The following KCNIP4 variants were observed in gnomAD, a reference collection of about 807,000 sequenced individuals.
The protein encoded by KCNIP4 is potassium voltage-gated channel interacting protein 4.
A neutral mutation model predicts 34.0 loss-of-function variants in KCNIP4; 12 were observed. The observed-to-expected ratio is 0.35, with a 90% confidence interval of 0.23 to 0.57. KCNIP4 has a LOEUF of 0.57. KCNIP4 is among the 20% of genes least tolerant of loss of function. The pLI, the probability that KCNIP4 is intolerant of heterozygous loss-of-function variation, is 0.83. For synonymous variants in KCNIP4, 124 were observed against 102.2 expected, an observed-to-expected ratio of 1.21 and a Z score of -1.29; for missense variants, 238 against 311.7, an observed-to-expected ratio of 0.76 and a Z score of 1.78.
rs146340264 is a variant in KCNIP4, at chr4:20,925,978, G to C, written c.62-43269C>G. ...GCTCATTAGAGACAAAGTGCCCAAA[G>C]TTGTTTTTGGGGCCTGGTCACATAG... On this transcript the variant is annotated intron_variant, in intron 1 of 8. Transcript: ENST00000382152. 1.0e-3 allele frequency among the ~76,000 whole-genome samples: 154 copies of C among 152,292 alleles called. 2 individuals carry two copies. Among genetic ancestry groups the C allele is most frequent in the Admixed American group, 3.7e-3 (57 of 15,300 alleles).
At chr4:21,142,963 T>G (rs1398677728) in intron 1 of KCNIP4, among the ~76,000 whole-genome samples, 1 of 151,770 alleles carries the variant, frequency 6.6e-6, no homozygotes, top group East Asian at 1.9e-4. Flanking sequence ...TCCTGCAAAC[T>G]AAGACATGGA....
intron 1 of KCNIP4, among the ~76,000 whole-genome samples, chr4:21,919,983 G>C (rs1458106710): frequency 6.6e-6 from 1 of 152,140 alleles, no homozygotes; most frequent in Non-Finnish European, 1.5e-5. Flanking sequence ...TTCATAAGCT[G>C]TATGCAGCAT....
rs1460695528 is a variant in KCNIP4 at position 20,803,712 on chromosome 4, AG to A, written c.289-44823del. 5.0e-4 allele frequency among the ~76,000 whole-genome samples: 64 copies of A among 127,196 alleles called. 2 individuals are homozygous for A. In the South Asian group the frequency reaches 0.018, roughly 35 times the overall value. 83.4% of individuals were successfully genotyped at this position (127,196 alleles called of 152,430 possible). A position where few individuals can be genotyped will look rare whatever the true frequency, so the allele number is the denominator to read the frequency against. ...GGGAGAGAGAGAGAGAAAGAGAGAGAGAGAGAGAGAGAGAGAGGAAGGAAGG... is the reference window on the plus strand; with the variant it reads ...GGGAGAGAGAGAGAGAAAGAGAGAGAAGAGAGAGAGAGAGAGGAAGGAAGG... On this transcript the variant is annotated intron_variant, in intron 3 of 8. Coordinates refer to ENST00000382152, the MANE Select transcript of KCNIP4 (RefSeq NM_025221.6).
At chr4:20,827,102 G>C (rs1338635735) in intron 3 of KCNIP4, among the ~76,000 whole-genome samples, 1 of 152,134 alleles carries the variant, frequency 6.6e-6, no homozygotes, top group Admixed American at 6.5e-5. Flanking sequence ...GCCAGTTCCA[G>C]GCCTAGCTTT....
At chr4:21,299,342 T>C (rs1004167869) in intron 1 of KCNIP4, among the ~76,000 whole-genome samples, 2 of 152,092 alleles carry the variant, frequency 1.3e-5, no homozygotes, top group African/African-American at 4.8e-5. Context: ...TAACTTTAGA[T>C]CCTCTGAGTG....
At chr4:21,943,827 G>A (rs951564261) in intron 1 of KCNIP4, among the ~76,000 whole-genome samples, 2 of 152,022 alleles carry the variant, frequency 1.3e-5, no homozygotes, top group African/African-American at 2.4e-5. Flanking sequence ...TAGAAAGGAT[G>A]CTGAGAACAT....
At chr4:21,766,781 T>A (rs966900561) in intron 1 of KCNIP4, among the ~76,000 whole-genome samples, 3 of 152,184 alleles carry the variant, frequency 2.0e-5, no homozygotes, top group African/African-American at 7.2e-5. Flanking sequence ...TTTGTTAAAC[T>A]GACCAGCATA....
At chr4:21,661,361 G>A (rs780983141) in intron 1 of KCNIP4, among the ~76,000 whole-genome samples, 7 of 152,030 alleles carry the variant, frequency 4.6e-5, no homozygotes, top group Admixed American at 6.6e-5. Context: ...TCACTGAGCC[G>A]CTTAACACTT....
chr4:21,534,755 G>A (rs1737010390), intron 1 of KCNIP4, among the ~76,000 whole-genome samples: 1 of 152,058 alleles, frequency 6.6e-6, no homozygotes, highest in Non-Finnish European at 1.5e-5. Context: ...CACAGCCCAG[G>A]AGAACCACGA....
intron 1 of KCNIP4, among the ~76,000 whole-genome samples, chr4:21,512,093 G>A (rs1734371138): frequency 6.9e-6 from 1 of 145,864 alleles, no homozygotes; most frequent in Admixed American, 6.9e-5. Flanking sequence ...AGGAAGGAGG[G>A]AGGGAGGGAG....
At chr4:21,360,665 A>T (rs1719125388) in intron 1 of KCNIP4, among the ~76,000 whole-genome samples, 1 of 152,066 alleles carries the variant, frequency 6.6e-6, no homozygotes, top group Non-Finnish European at 1.5e-5. Flanking sequence ...CTCTAATGGA[A>T]AAAGAAGATT....
chr4:21,390,988 T>C (rs1722509629), intron 1 of KCNIP4, among the ~76,000 whole-genome samples: 1 of 152,280 alleles, frequency 6.6e-6, no homozygotes, highest in African/African-American at 2.4e-5. Flanking sequence ...ATTATCATTG[T>C]TTTTTATTAT....
intron 1 of KCNIP4, among the ~76,000 whole-genome samples, chr4:21,333,604 A>G (rs893701408): frequency 2.0e-5 from 3 of 151,914 alleles, no homozygotes; most frequent in Admixed American, 1.3e-4. Context: ...TTTTCGTTCT[A>G]TACTCCCAAA....
At chr4:21,033,757 T>A (rs1177515099) in intron 1 of KCNIP4, among the ~76,000 whole-genome samples, 6 of 152,178 alleles carry the variant, frequency 3.9e-5, no homozygotes, top group Non-Finnish European at 8.8e-5. Flanking sequence ...GAAGCAACTA[T>A]CATTTAATTT....
chr4:21,493,609 T>A (rs558359981), intron 1 of KCNIP4, among the ~76,000 whole-genome samples: 1 of 152,174 alleles, frequency 6.6e-6, no homozygotes, highest in South Asian at 2.1e-4. Flanking sequence ...GCTTGGAAAG[T>A]TTCTGGACAA....
chr4:21,816,872 G>A (rs1196571609), intron 1 of KCNIP4, among the ~76,000 whole-genome samples: 1 of 152,146 alleles, frequency 6.6e-6, no homozygotes, highest in Non-Finnish European at 1.5e-5. Context: ...TTGACCTTGA[G>A]CAATGTGCTT....
chr4:21,900,909 T>C (rs1727670207), intron 1 of KCNIP4, among the ~76,000 whole-genome samples: 1 of 152,192 alleles, frequency 6.6e-6, no homozygotes, highest in Admixed American at 6.5e-5. Context: ...CATAAATAGC[T>C]CATTTCTTCA....
intron 1 of KCNIP4, among the ~76,000 whole-genome samples, chr4:21,406,138 T>C (rs1306214671): frequency 6.6e-6 from 1 of 152,140 alleles, no homozygotes; most frequent in East Asian, 1.9e-4. Context: ...CCTGGCCCCG[T>C]CATCTTTTAA....
chr4:21,172,962 A>C (rs1375317202), intron 1 of KCNIP4, among the ~76,000 whole-genome samples: 1 of 152,190 alleles, frequency 6.6e-6, no homozygotes, highest in African/African-American at 2.4e-5. Context: ...CATCCCCAGG[A>C]CTGCATACGG....
Sources: allele counts gnomAD v4.1 joint callset (sites outside exome capture counted in the v4.1 genomes callset), GRCh38; gene constraint gnomAD v4.1.1; transcripts MANE v1.5; gene names NCBI Gene and HGNC (gene_info 2026-07-23, HGNC 2026-07-21).